Variants in ZFHX3 observed in about 807,000 individuals in gnomAD.
ZFHX3 encodes the protein zinc finger homeobox 3.
In ZFHX3, 42 loss-of-function variants were observed where a neutral mutation model predicts 279.1. That is an observed-to-expected ratio of 0.15 (90% CI 0.12 to 0.19). The LOEUF (loss-of-function observed/expected upper bound fraction) is 0.19. ZFHX3 is among the 10% of genes least tolerant of loss of function. The probability of loss-of-function intolerance (pLI) is 1.00; values close to 1 mark genes in which losing one functional copy is unlikely to be tolerated. For synonymous variants in ZFHX3, 2,293 were observed against 1,957.8 expected, an observed-to-expected ratio of 1.17 and a Z score of -4.52; for missense variants, 4,981 against 4,754.0, an observed-to-expected ratio of 1.05 and a Z score of -1.40.
intron 5 of ZFHX3, among the ~76,000 whole-genome samples, chr16:73,157,878 C>G (rs1328528884): frequency 6.6e-6 from 1 of 151,916 alleles, no homozygotes; most frequent in African/African-American, 2.4e-5. Context: ...GAGAAGCAGC[C>G]CCTTAAGAGT....
chr16:73,245,465 C>A (rs1052280497), intron 5 of ZFHX3, among the ~76,000 whole-genome samples: 7 of 152,120 alleles, frequency 4.6e-5, no homozygotes, highest in African/African-American at 1.2e-4. Flanking sequence ...CTGTGTCAGG[C>A]AAACAGCAGA....
chr16:73,439,139 G>A (rs2018043993), intron 3 of ZFHX3, among the ~76,000 whole-genome samples: 1 of 152,208 alleles, frequency 6.6e-6, no homozygotes, highest in South Asian at 2.1e-4. Context: ...AACTCTCTGA[G>A]GGTCTAGTGT....
At chr16:73,319,097 A>C (rs1294423132) in intron 3 of ZFHX3, among the ~76,000 whole-genome samples, 1 of 68,406 alleles carries the variant, frequency 1.5e-5, no homozygotes, top group Admixed American at 1.7e-4. Context: ...AGGGGAGGGG[A>C]GGGGAGGTGT....
intron 3 of ZFHX3, among the ~76,000 whole-genome samples, chr16:73,445,355 T>A (rs371143175): frequency 3.0e-4 from 45 of 151,924 alleles, no homozygotes; most frequent in African/African-American, 9.9e-4. Context: ...TCCATGGTTT[T>A]CCCAGTTTTA....
At chr16:72,834,248 A>AAAAAC (rs1314388653) in intron 4 of ZFHX3, among the ~76,000 whole-genome samples, 2 of 152,156 alleles carry the variant, frequency 1.3e-5, no homozygotes, top group East Asian at 1.9e-4. Context: ...ACCCTGTCTC[A>AAAAAC]AAAACAAAAC....
At position 72,797,360 on chromosome 16, in the gene ZFHX3, G is replaced by A. The variant is rs779855713; in HGVS notation, c.5322C>T (p.Pro1774=). The A allele has an allele frequency of 4.3e-5, 68 of 1,599,360 alleles. No individual in the cohort carries two copies. Among genetic ancestry groups the A allele is most frequent in the South Asian group, 9.1e-5 (8 of 87,894 alleles). Residue 1774 remains proline, a synonymous_variant, in exon 9 of 10, where the codon CCC becomes CCT. Transcript: ENST00000268489. The stretch of plus-strand genomic sequence containing the variant: ...TCATGGGGAAGTGAGGAAGGAGGGT[G>A]GGGTTAAACAGCTGAGACTGGATCA... ...AALIQSQLFN[P]TLLPHFPMTT...
intron 1 of ZFHX3, among the ~76,000 whole-genome samples, chr16:73,703,850 C>T (rs535149598): frequency 1.1e-4 from 16 of 152,110 alleles, no homozygotes; most frequent in Non-Finnish European, 2.1e-4. Context: ...CGAGTCGTAA[C>T]GAGGCCTGCT....
chr16:73,754,313 T>C (rs1260477008), intron 1 of ZFHX3, among the ~76,000 whole-genome samples: 2 of 152,198 alleles, frequency 1.3e-5, no homozygotes, highest in African/African-American at 4.8e-5. Flanking sequence ...AATTCAAAAC[T>C]ATTTTTCATT....
At chr16:73,309,905 C>A (rs1456052851) in intron 4 of ZFHX3, among the ~76,000 whole-genome samples, 12 of 56,854 alleles carry the variant, frequency 2.1e-4, no homozygotes, top group Non-Finnish European at 3.9e-4. Context: ...TTTTTTCTTG[C>A]CTTTTTTTTT....
chr16:72,921,638 C>T (rs890550005), intron 3 of ZFHX3, among the ~76,000 whole-genome samples: 2 of 152,220 alleles, frequency 1.3e-5, no homozygotes, highest in African/African-American at 4.8e-5. Flanking sequence ...TCGCCTTCCC[C>T]CAATGCTTCG....
intron 3 of ZFHX3, among the ~76,000 whole-genome samples, chr16:73,440,465 C>T (rs2018071988): frequency 6.6e-6 from 1 of 152,206 alleles, no homozygotes; most frequent in South Asian, 2.1e-4. Flanking sequence ...ACCCATTTGG[C>T]ACCAATTAAC....
intron 3 of ZFHX3, among the ~76,000 whole-genome samples, chr16:73,344,928 G>A (rs1049268775): frequency 2.0e-5 from 3 of 152,180 alleles, no homozygotes; most frequent in Admixed American, 6.5e-5. Context: ...CTACATCTCA[G>A]TTTTGACACC....
At chr16:73,599,732 T>TAAAAA (rs67036720) in intron 2 of ZFHX3, among the ~76,000 whole-genome samples, 2 of 144,212 alleles carry the variant, frequency 1.4e-5, no homozygotes, top group African/African-American at 5.1e-5. Context: ...AAAATGTCAT[T>TAAAAA]AAAAAAAAAA....
At chr16:73,307,854 G>A (rs1262045229) in intron 4 of ZFHX3, among the ~76,000 whole-genome samples, 2 of 152,176 alleles carry the variant, frequency 1.3e-5, no homozygotes, top group East Asian at 1.9e-4. Context: ...TAAATGAACT[G>A]TGGGATGACA....
At chr16:73,801,200 T>C (rs926716951) in intron 1 of ZFHX3, among the ~76,000 whole-genome samples, 2 of 152,210 alleles carry the variant, frequency 1.3e-5, no homozygotes, top group African/African-American at 4.8e-5. Context: ...CGGCTGCCTT[T>C]TTTATCCCCA....
rs369149306 is a variant in ZFHX3, at chr16:72,794,690, G to A, written c.7992C>T (p.Ser2664=). 3.1e-6 allele frequency: 5 copies of A among 1,614,226 alleles called. No homozygotes were observed. In the African/African-American group the frequency reaches 4.0e-5, roughly 13 times the overall value. The change falls in exon 9 of 10, where the codon TCC becomes TCT. Residue 2664 remains serine (S), a synonymous_variant. Coordinates refer to ENST00000268489, the MANE Select transcript of ZFHX3 (RefSeq NM_006885.4). This position sits in a 1 kb window ranked among gnomAD's most constrained non-coding sequence, Gnocchi z 4.2. The part of the protein sequence containing the change: ...EILYQKYLLD[S]NPTRKMLDHI... Reference sequence around the variant, plus strand: ...GATCCAACATCTTTCGAGTCGGATTGGAATCCAGTAGATACTTCTGGTAGA... The same window carrying A: ...GATCCAACATCTTTCGAGTCGGATTAGAATCCAGTAGATACTTCTGGTAGA...
At chr16:73,441,923 T>C (rs1400939802) in intron 3 of ZFHX3, among the ~76,000 whole-genome samples, 4 of 152,212 alleles carry the variant, frequency 2.6e-5, no homozygotes, top group African/African-American at 7.2e-5. Flanking sequence ...TGTACCGTTT[T>C]GAGAAAAATG....
intron 1 of ZFHX3, among the ~76,000 whole-genome samples, chr16:73,787,728 C>A (rs1034828293): frequency 1.3e-5 from 2 of 151,966 alleles, no homozygotes; most frequent in Admixed American, 1.3e-4. Context: ...TAAGAAGTGA[C>A]TTCATAATGT....
intron 5 of ZFHX3, among the ~76,000 whole-genome samples, chr16:73,245,629 C>T (rs190432637): frequency 6.6e-6 from 1 of 152,340 alleles, no homozygotes; most frequent in Non-Finnish European, 1.5e-5. Context: ...AGACGTAGGG[C>T]TCCTTCTGGG....
Sources: gnomAD v4.1 joint callset for allele counts (sites outside exome capture counted in the v4.1 genomes callset) on GRCh38, gnomAD v4.1.1 for gene constraint, Gnocchi (gnomAD v3.1) non-coding constraint, MANE v1.5 for transcripts, NCBI Gene and HGNC (gene_info 2026-07-23, HGNC 2026-07-21) for gene names.